Variants in SGSM1 observed in about 807,000 individuals in gnomAD.
The protein encoded by SGSM1 is RUN and TBC1 domain containing 2.
A neutral mutation model predicts 133.8 loss-of-function variants in SGSM1; 73 were observed. The ratio of observed to expected loss-of-function variants is 0.55; its 90% CI spans 0.45 to 0.66. The LOEUF is 0.66. Among genes scored for constraint, SGSM1 ranks in the 30% least tolerant of loss-of-function variants. The probability of loss-of-function intolerance (pLI) is 0.00; values close to 1 mark genes in which losing one functional copy is unlikely to be tolerated. For synonymous variants in SGSM1, 563 were observed against 573.0 expected (o/e 0.98, Z 0.25); for missense variants, 1,213 against 1,448.1 (o/e 0.84, Z 2.64).
At chr22:24,885,091 G>GGCATGCGCCGCCA (rs139717) in intron 15 of SGSM1, among the ~76,000 whole-genome samples, 1 of 151,822 alleles carries the variant, frequency 6.6e-6, no homozygotes, top group Non-Finnish European at 1.5e-5. Flanking sequence ...TGGGATTACA[G>GGCATGCGCCGCCA]TGCCTGGCCA....
intron 2 of SGSM1, among the ~76,000 whole-genome samples, chr22:24,823,759 A>G (rs1025615290): frequency 4.0e-5 from 6 of 151,604 alleles, no homozygotes; most frequent in African/African-American, 1.5e-4. Context: ...ATTAAAAAAA[A>G]ATTAACCAGG....
intron 2 of SGSM1, among the ~76,000 whole-genome samples, chr22:24,808,161 T>TA (rs1402966277): frequency 2.7e-5 from 4 of 149,348 alleles, no homozygotes; most frequent in Non-Finnish European, 5.9e-5. Context: ...TTGCCCAGGA[T>TA]AGAGTACAGT....
chr22:24,900,684 A>G (rs1933127886), intron 19 of SGSM1, among the ~76,000 whole-genome samples: 1 of 152,222 alleles, frequency 6.6e-6, no homozygotes, highest in Admixed American at 6.5e-5. Context: ...GGCATGAGCC[A>G]CGGCGCCCCG....
At chr22:24,869,109 T>A (rs1433226798) in intron 12 of SGSM1, among the ~76,000 whole-genome samples, 3 of 152,220 alleles carry the variant, frequency 2.0e-5, no homozygotes, top group Admixed American at 2.0e-4. Flanking sequence ...TCTGGAATCC[T>A]GGCTGAACTT....
chr22:24,848,706 C>T (rs967150727), intron 4 of SGSM1, among the ~76,000 whole-genome samples: 6 of 152,326 alleles, frequency 3.9e-5, no homozygotes, highest in South Asian at 2.1e-4. Context: ...TGTGATTGGG[C>T]GTTCTGGGGA....
In SGSM1 at chr22:24,925,030, C is replaced by G. The variant is rs964268129; in HGVS notation, c.*756C>G. ...CTCCCCCATTCTTTTGACGCTAAGCCACCCTGGTCCTGACGCCTCCCCTCA... is the reference window on the plus strand; with the variant it reads ...CTCCCCCATTCTTTTGACGCTAAGCGACCCTGGTCCTGACGCCTCCCCTCA... On this transcript the variant is annotated 3_prime_UTR_variant, in exon 25 of 25. Coordinates refer to ENST00000400358, the MANE Select transcript of SGSM1 (RefSeq NM_001098497.3). 1 of 152,288 alleles carries G rather than the reference C, an allele frequency of 6.6e-6. No homozygotes were observed. Among genetic ancestry groups the G allele is most frequent in the African/African-American group, 2.4e-5 (1 of 41,472 alleles). 9.4% of individuals were successfully genotyped at this position (152,288 alleles called of 1,614,324 possible).
intron 9 of SGSM1, among the ~76,000 whole-genome samples, chr22:24,863,214 T>C (rs1262100148): frequency 6.6e-6 from 1 of 152,186 alleles, no homozygotes; most frequent in Non-Finnish European, 1.5e-5. Context: ...TAGAGTACAG[T>C]GGCACAATCT....
At chr22:24,882,076 C>T (rs6004343) in intron 14 of SGSM1, among the ~76,000 whole-genome samples, 1 of 151,750 alleles carries the variant, frequency 6.6e-6, no homozygotes, top group Non-Finnish European at 1.5e-5. Flanking sequence ...AAAATTTCTA[C>T]TTTTATTTTA....
chr22:24,835,373 G>T (rs1929367073), intron 2 of SGSM1, among the ~76,000 whole-genome samples: 7 of 152,270 alleles, frequency 4.6e-5, no homozygotes, highest in African/African-American at 1.7e-4. Context: ...CTCTGTGCCA[G>T]GCCCTCTGCT....
chr22:24,891,515 G>A (rs1932813809), intron 16 of SGSM1, among the ~76,000 whole-genome samples: 1 of 152,176 alleles, frequency 6.6e-6, no homozygotes. Flanking sequence ...AAGGACCCAT[G>A]CTAGTGAAAT....
intron 21 of SGSM1, among the ~76,000 whole-genome samples, chr22:24,907,519 GT>G (rs972961817): frequency 2.4e-5 from 3 of 126,268 alleles, no homozygotes; most frequent in Non-Finnish European, 3.4e-5. Context: ...AGCTGCCTTT[GT>G]TTTTTGTTGT....
intron 2 of SGSM1, among the ~76,000 whole-genome samples, chr22:24,812,177 GA>G (rs60027692): frequency 5.7e-5 from 6 of 105,782 alleles, no homozygotes; most frequent in Non-Finnish European, 6.3e-5. Context: ...CTCAAAAAAA[GA>G]AAAAAAAAAA....
At position 24,847,811 on chromosome 22, in the gene SGSM1, T is replaced by C. The variant is rs1328075705; in HGVS notation, c.302+15T>C. ...ATCGAGAGCGCGTGAGTGCAAAGCA[T>C]GGGGCACAGGTGGGAGCAGCTCCCC... On this transcript the variant is annotated intron_variant, in intron 4 of 24. Transcript: ENST00000400358. 1 of 1,612,382 alleles carries C rather than the reference T, an allele frequency of 6.2e-7. No homozygotes were observed. Among genetic ancestry groups the C allele is most frequent in the South Asian group, 1.1e-5 (1 of 90,812 alleles).
chr22:24,855,071 G>A lies in SGSM1; in HGVS notation c.523+8G>A. 1 of 1,612,116 alleles carries A rather than the reference G, an allele frequency of 6.2e-7. No homozygotes were observed. Among genetic ancestry groups the A allele is most frequent in the Non-Finnish European group, 8.5e-7 (1 of 1,179,144 alleles). On this transcript the variant is annotated splice_region_variant and intron_variant, in intron 6 of 24. Transcript: ENST00000400358. ...TCCTTGCATCTTTGTTGGGTAAGTT[G>A]TCCTGTGTGCTGAGCTTCATCTAGA...
chr22:24,858,147 T>G (rs2147857520), intron 8 of SGSM1, among the ~76,000 whole-genome samples: 1 of 152,278 alleles, frequency 6.6e-6, no homozygotes, highest in South Asian at 2.1e-4. Flanking sequence ...TGGCTAATTT[T>G]TAAATTATTT....
At chr22:24,817,717 A>G (rs1928188888) in intron 2 of SGSM1, among the ~76,000 whole-genome samples, 2 of 152,308 alleles carry the variant, frequency 1.3e-5, no homozygotes, top group African/African-American at 4.8e-5. Flanking sequence ...AGTACGGTTT[A>G]GCATCACCCT....
intron 2 of SGSM1, among the ~76,000 whole-genome samples, chr22:24,829,995 G>A (rs922438153): frequency 1.3e-5 from 2 of 152,156 alleles, no homozygotes; most frequent in African/African-American, 4.8e-5. Context: ...TTCCTTCCAG[G>A]GCTGCCTGGC....
chr22:24,859,351 A>T (rs1930991792), intron 8 of SGSM1, among the ~76,000 whole-genome samples: 1 of 152,142 alleles, frequency 6.6e-6, no homozygotes, highest in Admixed American at 6.5e-5. Context: ...AAGCCTAGCC[A>T]AGATAAATGC....
At chr22:24,829,504 G>A (rs1446661831) in intron 2 of SGSM1, among the ~76,000 whole-genome samples, 3 of 152,248 alleles carry the variant, frequency 2.0e-5, no homozygotes, top group Non-Finnish European at 2.9e-5. Context: ...AGATCTGTAC[G>A]TGTACCCTTG....
Sources: allele counts gnomAD v4.1 joint callset (sites outside exome capture counted in the v4.1 genomes callset), GRCh38; gene constraint gnomAD v4.1.1; transcripts MANE v1.5; gene names NCBI Gene and HGNC (gene_info 2026-07-23, HGNC 2026-07-21).